FAM131B: variants seen among roughly 807,000 people sequenced by gnomAD.
The protein encoded by FAM131B is family with sequence similarity 131 member B, also known as protein FAM131B.
FAM131B carries 19 observed loss-of-function variants against 42.0 expected under a neutral mutation model. The ratio of observed to expected loss-of-function variants is 0.45; its 90% CI spans 0.32 to 0.66. The LOEUF (loss-of-function observed/expected upper bound fraction) is 0.66, where lower values mean the gene tolerates loss of function less well. Among genes scored for constraint, FAM131B ranks in the 30% least tolerant of loss-of-function variants. FAM131B has a pLI of 0.05. For missense variants in FAM131B, 370 were observed against 468.4 expected (o/e 0.79, Z 1.94); for synonymous variants, 183 against 177.6 (o/e 1.03, Z -0.24).
the FAM131B span, chr7:143,380,492 C>T: frequency 1.0e-6 from 1 of 985,444 alleles, no homozygotes; most frequent in Non-Finnish European, 1.2e-6. The surrounding 1 kb of genome is among the most constrained non-coding windows in gnomAD (Gnocchi z 5.0). Flanking sequence ...AAAAGACGAG[C>T]AGCCCGCGTC....
chr7:143,356,546 G>A lies in FAM131B; in HGVS notation c.*4C>T. The A allele has an allele frequency of 1.2e-6, 2 of 1,607,112 alleles. No homozygotes were observed. Among genetic ancestry groups the A allele is most frequent in the Non-Finnish European group, 1.7e-6 (2 of 1,174,330 alleles). On this transcript the variant is annotated 3_prime_UTR_variant, in exon 7 of 7. Transcript: ENST00000443739. The surrounding 1 kb of genome is among the most constrained non-coding windows in gnomAD (Gnocchi z 4.4). Reference sequence around the variant, plus strand: ...AGTGGAAGGCAGGGCATTGGGGGAGGAAACTAGTTGTTGGCCTCGCCTTCC... The same window carrying A: ...AGTGGAAGGCAGGGCATTGGGGGAGAAAACTAGTTGTTGGCCTCGCCTTCC...
rs1477783657 is a variant in FAM131B, at chr7:143,362,553, C to G, written c.28+23G>C. ...GGCGGCCCGGGGGGCCCAGCCCTGCCCCCGCCCGGCCGCGGTACCCACCCA... is the reference window on the plus strand; with the variant it reads ...GGCGGCCCGGGGGGCCCAGCCCTGCGCCCGCCCGGCCGCGGTACCCACCCA... On this transcript the variant is annotated intron_variant, in intron 1 of 6. Transcript: ENST00000443739. This position sits in a 1 kb window ranked among gnomAD's most constrained non-coding sequence, Gnocchi z 7.7. 5 of 1,209,440 alleles carry G rather than the reference C, an allele frequency of 4.1e-6. No homozygotes were observed. Among genetic ancestry groups the G allele is most frequent in the Non-Finnish European group, 5.2e-6 (5 of 969,668 alleles). 74.9% of individuals were successfully genotyped at this position (1,209,440 alleles called of 1,614,324 possible). A position where few individuals can be genotyped will look rare whatever the true frequency, so the allele number is the denominator to read the frequency against.
intron 1 of FAM131B, 154 bp from the exon 2 acceptor site, chr7:143,360,303 A>G: frequency 6.9e-7 from 1 of 1,450,112 alleles, no homozygotes; most frequent in Non-Finnish European, 9.0e-7. Context: ...ACAAGTAGTA[A>G]TGCTGAGCCC....
At chr7:143,381,890 G>C in the FAM131B span, 6 of 1,100,998 alleles carry the variant, frequency 5.4e-6, no homozygotes, top group Non-Finnish European at 7.6e-6. Context: ...GCTGGGCGCA[G>C]CCACCCTGTC....
the FAM131B span, chr7:143,382,244 C>G: frequency 4.4e-5 from 71 of 1,611,880 alleles, no homozygotes; most frequent in Non-Finnish European, 5.9e-5. Flanking sequence ...CCTTCCTACC[C>G]CAGACTTTCC....
chr7:143,376,321 C>T, the FAM131B span, among the ~76,000 whole-genome samples: 1 of 152,118 alleles, frequency 6.6e-6, no homozygotes, highest in East Asian at 1.9e-4. Context: ...TATTTTCCCC[C>T]CAGATGGAGA....
chr7:143,369,011 C>T, the FAM131B span, among the ~76,000 whole-genome samples: 2 of 152,128 alleles, frequency 1.3e-5, no homozygotes, highest in Non-Finnish European at 1.5e-5. Flanking sequence ...GGCATTTTCC[C>T]GACAGTGAAA....
In FAM131B at chr7:143,359,124, C is replaced by A. The variant is rs1426009527; in HGVS notation, c.269-100G>T. On this transcript the variant is annotated intron_variant, in intron 4 of 6. Coordinates refer to ENST00000443739, the MANE Select transcript of FAM131B (RefSeq NM_001031690.3). The surrounding 1 kb of genome is among the most constrained non-coding windows in gnomAD (Gnocchi z 5.4). The stretch of plus-strand genomic sequence containing the variant: ...CACCCCAGCCCCATGAGGCTCCATC[C>A]CACTGGGCCAGGCTCCCCTAAGGAC... The A allele has an allele frequency of 2.3e-6, 3 of 1,286,460 alleles. No individual in the cohort carries two copies. The African/African-American group carries it at 4.4e-5, about 19-fold the overall frequency. The allele number at this position is 1,286,460 out of a possible 1,614,324, so 79.7% of individuals were successfully genotyped here. A position where few individuals can be genotyped will look rare whatever the true frequency, so the allele number is the denominator to read the frequency against.
At chr7:143,381,966 C>A in the FAM131B span, 1 of 658,372 alleles carries the variant, frequency 1.5e-6, no homozygotes, top group Non-Finnish European at 2.5e-6. Context: ...GGGACCGTTC[C>A]AAGTCCCCCG....
Position 143,360,098 on chromosome 7 carries a change from A to C in FAM131B, c.80T>G (p.Ile27Ser). 2 of 1,613,942 alleles carry C rather than the reference A, an allele frequency of 1.2e-6. No individual in the cohort carries two copies. Among genetic ancestry groups the C allele is most frequent in the Non-Finnish European group, 1.7e-6 (2 of 1,179,968 alleles). The change falls in exon 2 of 7, where the codon ATC (isoleucine) becomes AGC (serine). Residue 27 changes from isoleucine to serine, a missense_variant. Physicochemically the swap from Ile to Ser is moderately radical, Grantham distance 142 (BLOSUM62 -2). Coordinates refer to ENST00000443739, the MANE Select transcript of FAM131B (RefSeq NM_001031690.3). The stretch of plus-strand genomic sequence containing the variant: ...CAGTGAGCTGGTGCTGTCCATGTTG[A>C]TTTGATCGACATCCTTCAGGCCCTT... ...DWKGLKDVDQ[I>S]NMDSTSSLHG...
At chr7:143,362,765 TCGCCGCCGCCGCCGC>T (rs559900593), upstream of FAM131B, 9 of 237,728 alleles carry the variant, frequency 3.8e-5, no homozygotes, top group African/African-American at 1.7e-4. This position sits in a 1 kb window ranked among gnomAD's most constrained non-coding sequence, Gnocchi z 7.7. Flanking sequence ...GGCAGCTCCG[TCGCCGCCGCCGCCGC>T]CGCCGCCGCC....
At chr7:143,364,491 C>T (rs1232837712), upstream of FAM131B, among the ~76,000 whole-genome samples, 2 of 152,094 alleles carry the variant, frequency 1.3e-5, no homozygotes, top group African/African-American at 2.4e-5. Flanking sequence ...TATATGACTA[C>T]GTATCTCTTA....
At chr7:143,381,447 G>T in the FAM131B span, 21 of 1,291,922 alleles carry the variant, frequency 1.6e-5, no homozygotes, top group Non-Finnish European at 2.0e-5. Context: ...CCCACGGGGA[G>T]GGGGCGCGGG....
At chr7:143,380,470 T>C in the FAM131B span, 2 of 985,058 alleles carry the variant, frequency 2.0e-6, no homozygotes, top group South Asian at 4.7e-5. This position sits in a 1 kb window ranked among gnomAD's most constrained non-coding sequence, Gnocchi z 5.0. Context: ...GTGGTGGGCG[T>C]TGAAGGGCCG....
intron 1 of FAM131B, chr7:143,361,937 C>G (rs62472682): frequency 1.7e-6 from 1 of 587,870 alleles, no homozygotes; most frequent in East Asian, 1.4e-4. Flanking sequence ...CAGCCCCTTC[C>G]CTCCACCCGG....
chr7:143,355,827 A>T lies in FAM131B; in HGVS notation c.*723T>A, dbSNP rs2116429905. The T allele has an allele frequency of 1.3e-5, 2 of 152,406 alleles. No individual in the cohort carries two copies. Among genetic ancestry groups the T allele is most frequent in the African/African-American group, 4.8e-5 (2 of 41,586 alleles). The allele number at this position is 152,406 out of a possible 1,614,324, so 9.4% of individuals were successfully genotyped here. A position where few individuals can be genotyped will look rare whatever the true frequency, so the allele number is the denominator to read the frequency against. On this transcript the variant is annotated 3_prime_UTR_variant, in exon 7 of 7. Coordinates refer to ENST00000443739, the MANE Select transcript of FAM131B (RefSeq NM_001031690.3). This position sits in a 1 kb window ranked among gnomAD's most constrained non-coding sequence, Gnocchi z 4.1. Reference sequence around the variant, plus strand: ...ATGGGATATTAAAGATCCCAGAGCAAGGGGCTGTGTTTGTTCTTAGTCTCC... The same window carrying T: ...ATGGGATATTAAAGATCCCAGAGCATGGGGCTGTGTTTGTTCTTAGTCTCC...
upstream of FAM131B, among the ~76,000 whole-genome samples, chr7:143,366,982 C>A (rs1276916865): frequency 6.6e-6 from 1 of 152,194 alleles, no homozygotes; most frequent in Non-Finnish European, 1.5e-5. Context: ...GGGGCAGACT[C>A]AGAGGCAAGT....
the FAM131B span, among the ~76,000 whole-genome samples, chr7:143,373,065 TA>T: frequency 3.3e-5 from 5 of 152,160 alleles, no homozygotes; most frequent in African/African-American, 1.2e-4. Flanking sequence ...CTTACTCATT[TA>T]TTTTTTTTCT....
chr7:143,364,168 TAGAA>T (rs1211450240), upstream of FAM131B: 1 of 152,134 alleles, frequency 6.6e-6, no homozygotes, highest in Non-Finnish European at 1.5e-5. Flanking sequence ...TGGAGAGAAT[TAGAA>T]AGCATTTTCT....
Sources: gnomAD v4.1 joint callset for allele counts (sites outside exome capture counted in the v4.1 genomes callset) on GRCh38, gnomAD v4.1.1 for gene constraint, Gnocchi (gnomAD v3.1) non-coding constraint, MANE v1.5 for transcripts, NCBI Gene and HGNC (gene_info 2026-07-23, HGNC 2026-07-21) for gene names.